Variants in MS4A6A observed in about 807,000 individuals in gnomAD.
MS4A6A encodes membrane-spanning 4-domains subfamily A member 6A.
MS4A6A carries 19 observed loss-of-function variants against 20.6 expected under a neutral mutation model. The ratio of observed to expected loss-of-function variants is 0.92; its 90% confidence interval spans 0.64 to 1.36. The LOEUF is 1.36. Among genes scored for constraint, MS4A6A ranks in the 40% most tolerant of loss-of-function variants. The pLI, the probability that MS4A6A is intolerant of heterozygous loss-of-function variation, is 0.00. For synonymous variants in MS4A6A, 108 were observed against 105.0 expected, an observed-to-expected ratio of 1.03 and a Z score of -0.17; for missense variants, 272 against 261.1, an observed-to-expected ratio of 1.04 and a Z score of -0.29.
At chr11:60,182,400 C>G (rs1444555734) in intron 1 of MS4A6A, 2 of 152,250 alleles carry the variant, frequency 1.3e-5, no homozygotes, top group Non-Finnish European at 2.9e-5. Flanking sequence ...TTCACACAGC[C>G]GGGAAGCTGT....
In MS4A6A at chr11:60,183,050, A is replaced by G. The variant is rs144777913; in HGVS notation, c.-87T>C. On this transcript the variant is annotated 5_prime_UTR_variant, in exon 1 of 6. An upstream open reading frame in the 5' UTR loses its in-frame stop. Coordinates refer to ENST00000528851, the MANE Select transcript of MS4A6A (RefSeq NM_022349.4). ...TTAACTCTGGTTTCTCAGTCCCATC[A>G]ACGGTTTCTACTTACCTTCATCTTC... The G allele has an allele frequency of 4.6e-5, 68 of 1,471,264 alleles. No homozygotes were observed. The highest frequency in any genetic ancestry group is 5.9e-5 in the Non-Finnish European group (66 of 1,119,408). The allele number at this position is 1,471,264 out of a possible 1,614,324, so 91.1% of individuals were successfully genotyped here. A position where few individuals can be genotyped will look rare whatever the true frequency, so the allele number is the denominator to read the frequency against.
chr11:60,178,099 C>CA, intron 4 of MS4A6A, 161 bp downstream of exon 4: 1 of 666,608 alleles, frequency 1.5e-6, no homozygotes. Context: ...GTTCTCTGAA[C>CA]AAGGATACAG....
chr11:60,172,891 T>G lies in MS4A6A; in HGVS notation c.*110A>C. 1 of 1,555,138 alleles carries G rather than the reference T, an allele frequency of 6.4e-7. No homozygotes were observed. Among genetic ancestry groups the G allele is most frequent in the African/African-American group, 1.4e-5 (1 of 73,854 alleles). On this transcript the variant is annotated 3_prime_UTR_variant, in exon 6 of 6. Transcript: ENST00000528851. ...ATCTGCTTTTCTTCTCTGTCTTCCA[T>G]CACAATGCAAATGCCCTCCCATGTG...
rs188749955 is a variant in MS4A6A at position 60,175,746 on chromosome 11, C to T, written c.340-135G>A. 1.2e-4 allele frequency: 108 copies of T among 875,200 alleles called. 1 individual carries two copies. In the South Asian group the frequency reaches 1.3e-3, roughly 10 times the overall value. 54.2% of individuals were successfully genotyped at this position (875,200 alleles called of 1,614,324 possible). ...GGGATTGATCATTTATTGCTGTATG[C>T]CTCTCCAGTGTCCAGCAAAAATCTC... On this transcript the variant is annotated intron_variant, in intron 4 of 5. Coordinates refer to ENST00000528851, the MANE Select transcript of MS4A6A (RefSeq NM_022349.4).
rs1173545792 is a variant in MS4A6A, at chr11:60,175,593, C to T, written c.358G>A (p.Gly120Arg). The change falls in exon 5 of 6, where the codon GGA becomes AGA. Residue 120 changes from glycine (G) to arginine (R), a missense_variant. Gly to Arg is a moderately radical substitution (Grantham distance 125). Transcript: ENST00000528851. The stretch of plus-strand genomic sequence containing the variant: ...GCAGACAGAGCACTCAGAATGCTTC[C>T]AACCAGGCTGCTATGCACCTGAAAG... ...TKLLVHSSLV[G>R]SILSALSALV... The T allele has an allele frequency of 6.2e-7, 1 of 1,613,394 alleles. No homozygotes were observed. The highest frequency in any genetic ancestry group is 1.3e-5 in the African/African-American group (1 of 74,914).
At chr11:60,180,000 C>T (rs1312547718) in intron 2 of MS4A6A, 35 bp from the exon 3 acceptor site, 24 of 1,604,120 alleles carry the variant, frequency 1.5e-5, no homozygotes, top group Non-Finnish European at 1.9e-5. Context: ...AGGATGAAAA[C>T]CAGCATTTGT....
Position 60,172,599 on chromosome 11 carries a change from A to G in MS4A6A, c.*402T>C, listed in dbSNP as rs1856635903. The G allele has an allele frequency of 4.4e-6, 5 of 1,127,628 alleles. No individual in the cohort carries two copies. Among genetic ancestry groups the G allele is most frequent in the Non-Finnish European group, 5.5e-6 (5 of 916,642 alleles). 69.9% of individuals were successfully genotyped at this position (1,127,628 alleles called of 1,614,324 possible). ...CATAAGACATTCACTGGATCCAGTT[A>G]CGTGTGTAAATGCCCTTTACCAAGT... On this transcript the variant is annotated 3_prime_UTR_variant, in exon 6 of 6. Coordinates refer to ENST00000528851, the MANE Select transcript of MS4A6A (RefSeq NM_022349.4).
chr11:60,179,506 T>A, intron 3 of MS4A6A: 1 of 580,272 alleles, frequency 1.7e-6, no homozygotes, highest in Non-Finnish European at 3.0e-6. Flanking sequence ...TTTTTTTGTA[T>A]AAAATGTTCC....
Position 60,183,052 on chromosome 11 carries a change from C to T in MS4A6A, c.-89G>A, listed in dbSNP as rs74361873. Reference sequence around the variant, plus strand: ...AACTCTGGTTTCTCAGTCCCATCAACGGTTTCTACTTACCTTCATCTTCTG... The same window carrying T: ...AACTCTGGTTTCTCAGTCCCATCAATGGTTTCTACTTACCTTCATCTTCTG... On this transcript the variant is annotated 5_prime_UTR_variant, in exon 1 of 6. Transcript: ENST00000528851. 214 of 1,474,158 alleles carry T rather than the reference C, an allele frequency of 1.5e-4. No homozygotes were observed. Among genetic ancestry groups the T allele is most frequent in the Non-Finnish European group, 1.7e-4 (188 of 1,120,616 alleles). 91.3% of individuals were successfully genotyped at this position (1,474,158 alleles called of 1,614,324 possible).
upstream of MS4A6A, chr11:60,183,179 A>G (rs2083832414): frequency 6.5e-7 from 1 of 1,535,792 alleles, no homozygotes; most frequent in East Asian, 2.4e-5. Flanking sequence ...CTTTTCTGTA[A>G]ACTTCTAGCA....
intron 4 of MS4A6A, chr11:60,177,449 G>T (rs1280836958): frequency 6.6e-6 from 1 of 152,144 alleles, no homozygotes; most frequent in East Asian, 1.9e-4. Flanking sequence ...AAGACTTAAT[G>T]AAACTTTAAA....
At chr11:60,173,238 A>G (rs1162819543) in intron 5 of MS4A6A, 109 bp from the exon 6 acceptor site, 1 of 917,856 alleles carries the variant, frequency 1.1e-6, no homozygotes, top group Admixed American at 1.9e-5. Context: ...TTAGAGAATG[A>G]AGAAAGGACA....
At chr11:60,183,300 C>CA, upstream of MS4A6A, 1 of 863,792 alleles carries the variant, frequency 1.2e-6, no homozygotes, top group South Asian at 1.7e-5. Flanking sequence ...TGTTGTTAGG[C>CA]AAGTCTGTTC....
chr11:60,181,902 T>G (rs892548983), intron 1 of MS4A6A, among the ~76,000 whole-genome samples, 161 bp from the exon 2 acceptor site: 1 of 152,178 alleles, frequency 6.6e-6, no homozygotes, highest in East Asian at 1.9e-4. Context: ...CAATCTTGGT[T>G]TCATGAGGAT....
chr11:60,173,212 A>C, intron 5 of MS4A6A, 83 bp from the exon 6 acceptor site: 3 of 1,180,142 alleles, frequency 2.5e-6, no homozygotes, highest in Non-Finnish European at 3.8e-6. Context: ...CATAGAGATG[A>C]AGACCACCTC....
intron 4 of MS4A6A, chr11:60,177,048 G>A (rs1032911728): frequency 1.3e-5 from 2 of 152,094 alleles, no homozygotes; most frequent in African/African-American, 4.8e-5. Flanking sequence ...TTTTTATTCA[G>A]TTGCACTATA....
At chr11:60,183,344 G>A, upstream of MS4A6A, 2 of 605,718 alleles carry the variant, frequency 3.3e-6, no homozygotes, top group East Asian at 2.9e-5. Flanking sequence ...GTTAAATAGA[G>A]GAGCAATACC....
At chr11:60,178,678 T>G in intron 3 of MS4A6A, 1 of 296,070 alleles carries the variant, frequency 3.4e-6, no homozygotes, top group South Asian at 3.1e-5. Context: ...GTAGTAATTT[T>G]ACAGAGGAGA....
chr11:60,172,828 A>G lies in MS4A6A; in HGVS notation c.*173T>C. 1 of 1,405,782 alleles carries G rather than the reference A, an allele frequency of 7.1e-7. No homozygotes were observed. Among genetic ancestry groups the G allele is most frequent in the East Asian group, 2.7e-5 (1 of 36,984 alleles). 87.1% of individuals were successfully genotyped at this position (1,405,782 alleles called of 1,614,324 possible). On this transcript the variant is annotated 3_prime_UTR_variant, in exon 6 of 6. Transcript: ENST00000528851. The stretch of plus-strand genomic sequence containing the variant: ...ATTTCTCATGATTAACTATTTTCAT[A>G]TCCAGTGAATTTTCAGCTTATCAGC...
Sources: gnomAD v4.1 joint callset for allele counts (sites outside exome capture counted in the v4.1 genomes callset) on GRCh38, gnomAD v4.1.1 for gene constraint, MANE v1.5 for transcripts, NCBI Gene and HGNC (gene_info 2026-07-23, HGNC 2026-07-21) for gene names.